The following PCNX2 variants were observed in gnomAD, a reference collection of about 807,000 sequenced individuals.
PCNX2 encodes the protein pecanex 2, also known as pecanex-like protein 2.
PCNX2 carries 168 observed loss-of-function variants against 223.8 expected under a neutral mutation model. The observed-to-expected ratio is 0.75, with a 90% CI of 0.66 to 0.85. The LOEUF is 0.85. PCNX2 is among the 40% of genes least tolerant of loss of function. The pLI is 0.00. For missense variants in PCNX2, 2,507 were observed against 2,675.5 expected (o/e 0.94, Z 1.39); for synonymous variants, 1,006 against 1,052.6 (o/e 0.96, Z 0.86).
chr1:233,300,536 C>T (rs1280227602), upstream of PCNX2, among the ~76,000 whole-genome samples: 4 of 152,166 alleles, frequency 2.6e-5, no homozygotes, highest in African/African-American at 9.7e-5. Flanking sequence ...AGGGCAATGA[C>T]TCAGCTGTGT....
intron 21 of PCNX2, among the ~76,000 whole-genome samples, chr1:233,131,285 T>G (rs1277384236): frequency 6.6e-6 from 1 of 152,096 alleles, no homozygotes; most frequent in Non-Finnish European, 1.5e-5. Flanking sequence ...CATTTCACAT[T>G]GTGCAAGGAA....
intron 10 of PCNX2, among the ~76,000 whole-genome samples, chr1:233,224,172 A>C (rs1422390004): frequency 6.6e-6 from 1 of 152,254 alleles, no homozygotes; most frequent in Non-Finnish European, 1.5e-5. Flanking sequence ...AATGCACAGA[A>C]GGGCAACTTC....
intron 28 of PCNX2, among the ~76,000 whole-genome samples, chr1:233,009,815 A>C (rs1344438330): frequency 6.6e-6 from 1 of 152,176 alleles, no homozygotes; most frequent in Non-Finnish European, 1.5e-5. Flanking sequence ...GGGTCTCCTA[A>C]AGATGGCAAG....
intron 26 of PCNX2, among the ~76,000 whole-genome samples, chr1:233,023,112 G>A (rs72632857): frequency 0.097 from 14,787 of 152,108 alleles, 789 homozygotes; most frequent in East Asian, 0.22. Context: ...CTTGCTTCAC[G>A]GGCCTGTGAG....
At chr1:233,125,128 C>T (rs1182108217) in intron 21 of PCNX2, among the ~76,000 whole-genome samples, 1 of 152,188 alleles carries the variant, frequency 6.6e-6, no homozygotes, top group African/African-American at 2.4e-5. Flanking sequence ...TCAACCTCAC[C>T]AGTGGCTTCT....
intron 12 of PCNX2, among the ~76,000 whole-genome samples, chr1:233,211,065 G>C (rs939709883): frequency 3.3e-5 from 5 of 152,186 alleles, no homozygotes; most frequent in Non-Finnish European, 5.9e-5. Context: ...ACAGTGGAAT[G>C]GTCAGCTGCT....
In PCNX2 at chr1:233,132,500, T is replaced by C. The variant is rs60858548; in HGVS notation, c.3837+2513A>G. 7.9e-3 allele frequency among the ~76,000 whole-genome samples: 1,206 copies of C among 152,320 alleles called. 17 individuals carry two copies. Among genetic ancestry groups the C allele is most frequent in the African/African-American group, 0.027 (1,126 of 41,566 alleles). On this transcript the variant is annotated intron_variant, in intron 21 of 33. Transcript: ENST00000258229. The stretch of plus-strand genomic sequence containing the variant: ...GTGCTCCCATAAATGAAAGCCACTC[T>C]TCTTACTACAGGTATGGAATTATTT...
intron 10 of PCNX2, among the ~76,000 whole-genome samples, chr1:233,226,262 T>C (rs1657708030): frequency 6.6e-6 from 1 of 152,088 alleles, no homozygotes; most frequent in Non-Finnish European, 1.5e-5. Flanking sequence ...ATCTCCATCA[T>C]GTTTTCTTTT....
intron 19 of PCNX2, among the ~76,000 whole-genome samples, chr1:233,148,445 T>C (rs1571969734): frequency 2.7e-5 from 4 of 150,920 alleles, no homozygotes; most frequent in Admixed American, 2.6e-4. Context: ...TTTTTTTTTG[T>C]TTTTTGAGAT....
intron 23 of PCNX2, among the ~76,000 whole-genome samples, chr1:233,083,281 T>C (rs1673445776): frequency 6.6e-6 from 1 of 152,156 alleles, no homozygotes; most frequent in Non-Finnish European, 1.5e-5. Flanking sequence ...TTGTACCATT[T>C]GGCCTGAAAA....
chr1:232,986,566 T>G, intron 32 of PCNX2, 26 bp from the exon 33 acceptor site: 3 of 1,479,086 alleles, frequency 2.0e-6, no homozygotes, highest in Non-Finnish European at 2.7e-6. Context: ...GAACACAGAG[T>G]TGTAGCGGGT....
chr1:233,177,077 T>C (rs1028152715), intron 17 of PCNX2, among the ~76,000 whole-genome samples: 2 of 152,086 alleles, frequency 1.3e-5, no homozygotes, highest in South Asian at 2.1e-4. Context: ...TTCAAAGACT[T>C]TCCTCCCCAT....
intron 21 of PCNX2, among the ~76,000 whole-genome samples, chr1:233,105,861 T>C (rs1270106302): frequency 2.6e-5 from 4 of 152,318 alleles, no homozygotes; most frequent in Non-Finnish European, 5.9e-5. Flanking sequence ...AAGTCGACAT[T>C]GCACATTGAA....
In PCNX2 at chr1:232,984,108, ATTTTTTTTTTT is replaced by A. The variant is rs373209360; in HGVS notation, c.*185_*195del. On this transcript the variant is annotated 3_prime_UTR_variant, in exon 34 of 34. Transcript: ENST00000258229. ...GAGGTTTTTTTGTTGTTGTTGTTTG[ATTTTTTTTTTT>A]TTTTTTTTTTTTTTTTCAAAAACCT... is the stretch of plus-strand genomic sequence containing the variant. The A allele has an allele frequency of 6.4e-4, 87 of 135,160 alleles. 2 individuals carry two copies. The highest frequency in any genetic ancestry group is 3.5e-3 in the African/African-American group (54 of 15,462). The allele number at this position is 135,160 out of a possible 1,614,324, so 8.4% of individuals were successfully genotyped here.
intron 21 of PCNX2, among the ~76,000 whole-genome samples, chr1:233,117,113 T>A (rs1571896911): frequency 6.6e-6 from 1 of 152,094 alleles, no homozygotes; most frequent in South Asian, 2.1e-4. Context: ...AATTTAAATA[T>A]CCCTACAACT....
chr1:233,254,967 G>T lies in PCNX2; in HGVS notation c.1835-2179C>A, dbSNP rs1406076976. Among the ~76,000 whole-genome samples the T allele has an allele frequency of 2.0e-5, 3 of 152,144 alleles. No individual in the cohort carries two copies. The South Asian group carries it at 6.2e-4, about 32-fold the overall frequency. ...ATGATTCTTTCCCTAGAAATTCTTA[G>T]AAGTTAGGAGACTGAATATACAAAT... On this transcript the variant is annotated intron_variant, in intron 5 of 33. Coordinates refer to ENST00000258229, the MANE Select transcript of PCNX2 (RefSeq NM_014801.4).
At chr1:233,034,080 C>T (rs1312973970) in intron 25 of PCNX2, among the ~76,000 whole-genome samples, 2 of 152,010 alleles carry the variant, frequency 1.3e-5, no homozygotes, top group African/African-American at 2.4e-5. Flanking sequence ...GGCGTGGTGG[C>T]GTGCACCTGT....
At chr1:233,152,290 TG>T (rs1355375618) in intron 19 of PCNX2, among the ~76,000 whole-genome samples, 1 of 152,244 alleles carries the variant, frequency 6.6e-6, no homozygotes, top group African/African-American at 2.4e-5. Flanking sequence ...TCATAGCACA[TG>T]ATGACTATGT....
At chr1:233,113,903 G>A (rs908963730) in intron 21 of PCNX2, among the ~76,000 whole-genome samples, 2 of 152,212 alleles carry the variant, frequency 1.3e-5, no homozygotes, top group African/African-American at 4.8e-5. Flanking sequence ...CTTAGGATAT[G>A]CTAATGAACA....
Sources: allele counts gnomAD v4.1 joint callset (sites outside exome capture counted in the v4.1 genomes callset), GRCh38; gene constraint gnomAD v4.1.1; transcripts MANE v1.5; gene names NCBI Gene and HGNC (gene_info 2026-07-23, HGNC 2026-07-21).